ADGRB1: variants seen among roughly 807,000 people sequenced by gnomAD.
ADGRB1 encodes adhesion G protein-coupled receptor B1.
In ADGRB1, 36 loss-of-function variants were observed where a neutral mutation model predicts 175.7. The observed-to-expected ratio is 0.20, with a 90% CI of 0.16 to 0.27. The LOEUF (loss-of-function observed/expected upper bound fraction) is 0.27, where lower values mean the gene tolerates loss of function less well. ADGRB1 is among the 10% of genes least tolerant of loss of function. ADGRB1 has a pLI of 1.00. For missense variants in ADGRB1, 1,731 were observed against 2,255.3 expected (o/e 0.77, Z 4.71); for synonymous variants, 1,054 against 979.4 (o/e 1.08, Z -1.42).
chr8:142,539,475 G>T, intron 27 of ADGRB1, 62 bp downstream of exon 27: 1 of 1,562,448 alleles, frequency 6.4e-7, no homozygotes, highest in Non-Finnish European at 8.7e-7. Context: ...CCCACTCCAC[G>T]CCTCCGCCTG....
rs150215570 is a variant in ADGRB1, at chr8:142,492,357, A to T, written c.2675+1542A>T. On this transcript the variant is annotated intron_variant, in intron 17 of 30. Coordinates refer to ENST00000517894, the MANE Select transcript of ADGRB1 (RefSeq NM_001702.3). The surrounding 1 kb of genome is among the most constrained non-coding windows in gnomAD (Gnocchi z 4.4). ...AGCCTCCTCTCCCCAGTGAGGAGGG[A>T]TGGGGAACAGGGACAGACGGAGCAG... 4.5e-4 allele frequency among the ~76,000 whole-genome samples: 68 copies of T among 152,020 alleles called. No individual in the cohort carries two copies. The highest frequency in any genetic ancestry group is 9.4e-4 in the Non-Finnish European group (64 of 67,978).
At chr8:142,450,834 C>A (rs547387424) in intron 1 of ADGRB1, among the ~76,000 whole-genome samples, 1 of 152,232 alleles carries the variant, frequency 6.6e-6, no homozygotes, top group East Asian at 1.9e-4. Context: ...GCTCTTCCCT[C>A]CTTGTCTACC....
rs1208912507 is a variant in ADGRB1 at position 142,464,114 on chromosome 8, G to C, written c.-85G>C. 21 of 1,089,318 alleles carry C rather than the reference G, an allele frequency of 1.9e-5. No homozygotes were observed. The highest frequency in any genetic ancestry group is 2.3e-5 in the Non-Finnish European group (20 of 880,402). 67.5% of individuals were successfully genotyped at this position (1,089,318 alleles called of 1,614,324 possible). A position where few individuals can be genotyped will look rare whatever the true frequency, so the allele number is the denominator to read the frequency against. The stretch of plus-strand genomic sequence containing the variant: ...TCCCTGCCCCCACCGGGCCGGCCCT[G>C]CCCGCCGCCGGACCCTGGCATGTCA... On this transcript the variant is annotated 5_prime_UTR_variant, in exon 2 of 31. Coordinates refer to ENST00000517894, the MANE Select transcript of ADGRB1 (RefSeq NM_001702.3).
chr8:142,524,127 C>A, intron 22 of ADGRB1, 111 bp from the exon 23 acceptor site: 1 of 1,214,484 alleles, frequency 8.2e-7, no homozygotes, highest in Non-Finnish European at 1.2e-6. Context: ...TTAATAAGTG[C>A]CAGTTTTCTT....
rs1005718915 is a variant in ADGRB1 at position 142,510,458 on chromosome 8, C to A, written c.2676-474C>A. 6.6e-6 allele frequency among the ~76,000 whole-genome samples: 1 copy of A among 151,646 alleles called. No homozygotes were observed. Among genetic ancestry groups the A allele is most frequent in the Non-Finnish European group, 1.5e-5 (1 of 67,836 alleles). On this transcript the variant is annotated intron_variant, in intron 17 of 30. Coordinates refer to ENST00000517894, the MANE Select transcript of ADGRB1 (RefSeq NM_001702.3). This position sits in a 1 kb window ranked among gnomAD's most constrained non-coding sequence, Gnocchi z 6.3. ...GGAGAGCTCCGGAGCGGACCCTCGC[C>A]GCGCTCCGAACCCGCCCCGCGCCCC...
In ADGRB1 at chr8:142,477,614, C is replaced by T. The variant is rs1841053553; in HGVS notation, c.1387+65C>T. ...AGAAAGGGGAGGTCACAGTGGGCCA[C>T]CGGCCAGGCCCAGGAGCCCAGCTTT... On this transcript the variant is annotated intron_variant, in intron 6 of 30. Transcript: ENST00000517894. The T allele has an allele frequency of 4.5e-6, 7 of 1,538,862 alleles. No individual in the cohort carries two copies. The South Asian group carries it at 8.7e-5, about 19-fold the overall frequency.
chr8:142,462,529 C>G (rs1338414876), intron 1 of ADGRB1, among the ~76,000 whole-genome samples: 3 of 152,254 alleles, frequency 2.0e-5, no homozygotes, highest in Non-Finnish European at 2.9e-5. Flanking sequence ...GGGGCCAGAC[C>G]TCGAGGCTGC....
Position 142,481,730 on chromosome 8 carries a change from A to G in ADGRB1, c.2130+19A>G. The G allele has an allele frequency of 6.6e-7, 1 of 1,508,318 alleles. No homozygotes were observed. The highest frequency in any genetic ancestry group is 1.3e-5 in the South Asian group (1 of 75,624). The allele number at this position is 1,508,318 out of a possible 1,614,324, so 93.4% of individuals were successfully genotyped here. A position where few individuals can be genotyped will look rare whatever the true frequency, so the allele number is the denominator to read the frequency against. On this transcript the variant is annotated intron_variant, in intron 11 of 30. Coordinates refer to ENST00000517894, the MANE Select transcript of ADGRB1 (RefSeq NM_001702.3). ...CGTACAGGTGGGCTCCCCGAGCGGC[A>G]TTTTGGAAGAGGGTGTCGGGAAGGT...
Position 142,537,867 on chromosome 8 carries a change from C to T in ADGRB1, c.3666+785C>T, listed in dbSNP as rs1479668891. 1.3e-5 allele frequency among the ~76,000 whole-genome samples: 2 copies of T among 152,154 alleles called. No individual in the cohort carries two copies. Among genetic ancestry groups the T allele is most frequent in the African/African-American group, 4.8e-5 (2 of 41,430 alleles). On this transcript the variant is annotated intron_variant, in intron 26 of 30. Transcript: ENST00000517894. The surrounding 1 kb of genome is among the most constrained non-coding windows in gnomAD (Gnocchi z 4.6). ...GCATCTTCCTCCTGCAGCCTTGTGC[C>T]CCTGGGGCTCAGCCAGGACCGTAGT... is the stretch of plus-strand genomic sequence containing the variant.
At chr8:142,486,837 A>C (rs1841694972) in intron 13 of ADGRB1, among the ~76,000 whole-genome samples, 1 of 151,820 alleles carries the variant, frequency 6.6e-6, no homozygotes, top group African/African-American at 2.4e-5. Flanking sequence ...TGGGCAGCAC[A>C]GTGGGACCCT....
chr8:142,519,516 GTGGTAA>G (rs1396284516), intron 19 of ADGRB1, among the ~76,000 whole-genome samples: 7 of 152,002 alleles, frequency 4.6e-5, no homozygotes, highest in African/African-American at 1.7e-4. Flanking sequence ...GGTGATGATG[GTGGTAA>G]TGGTGATGGT....
chr8:142,522,163 C>G lies in ADGRB1; in HGVS notation c.3175+48C>G, dbSNP rs551449982. ...CTCCTGGACAGATACCCTTCCTCCC[C>G]CACTGCTTGTTCTGTCCTGGCAGCC... On this transcript the variant is annotated intron_variant, in intron 21 of 30. Transcript: ENST00000517894. 9 of 1,585,054 alleles carry G rather than the reference C, an allele frequency of 5.7e-6. No homozygotes were observed. The Admixed American group carries it at 1.5e-4, about 27-fold the overall frequency.
chr8:142,502,408 G>GTGGTGA (rs1842642335), intron 17 of ADGRB1, among the ~76,000 whole-genome samples: 1 of 139,868 alleles, frequency 7.1e-6, no homozygotes, highest in Non-Finnish European at 1.6e-5. Flanking sequence ...GATGGTGGTG[G>GTGGTGA]TGGTGGTGGT....
At chr8:142,476,418 G>C (rs887890012) in intron 3 of ADGRB1, among the ~76,000 whole-genome samples, 167 bp from the exon 4 acceptor site, 9 of 152,172 alleles carry the variant, frequency 5.9e-5, no homozygotes, top group African/African-American at 2.2e-4. Flanking sequence ...AGGGTCCCCT[G>C]GTGACCAGAT....
rs576950325 is a variant in ADGRB1, at chr8:142,465,627, A to G, written c.784+645A>G. Among the ~76,000 whole-genome samples the G allele has an allele frequency of 2.6e-5, 4 of 152,150 alleles. No homozygotes were observed. The South Asian group carries it at 8.3e-4, about 32-fold the overall frequency. On this transcript the variant is annotated intron_variant, in intron 2 of 30. Coordinates refer to ENST00000517894, the MANE Select transcript of ADGRB1 (RefSeq NM_001702.3). ...GAGCCCTGCTCTCAGGCAGCTGCGT[A>G]AGGGAGAGAGGAAGGCCCTAAGCAC...
intron 15 of ADGRB1, 46 bp downstream of exon 15, chr8:142,489,156 G>A (rs1443262630): frequency 1.9e-6 from 3 of 1,565,868 alleles, no homozygotes; most frequent in Non-Finnish European, 2.6e-6. Flanking sequence ...GGGCAGGTGG[G>A]GTGGGCAGGA....
rs908784315 is a variant in ADGRB1 at position 142,510,661 on chromosome 8, G to T, written c.2676-271G>T. On this transcript the variant is annotated intron_variant, in intron 17 of 30. Transcript: ENST00000517894. The surrounding 1 kb of genome is among the most constrained non-coding windows in gnomAD (Gnocchi z 6.3). ...AGCTCTCGCCCCCCGCCCCGCCCCC[G>T]ATCGCTCGGCTCCCCCGCCCGGCGC... 1.4e-5 allele frequency among the ~76,000 whole-genome samples: 2 copies of T among 144,578 alleles called. No individual in the cohort carries two copies. The highest frequency in any genetic ancestry group is 3.1e-5 in the Non-Finnish European group (2 of 65,328). The allele number at this position is 144,578 out of a possible 152,430, so 94.8% of individuals were successfully genotyped here. A position where few individuals can be genotyped will look rare whatever the true frequency, so the allele number is the denominator to read the frequency against.
chr8:142,513,151 C>T lies in ADGRB1; in HGVS notation c.2817+2078C>T, dbSNP rs184035832. ...CCCATCCCAGACAGGACATTTGAGG[C>T]CGGGGCACAGGGGCTGGCAGTGTCT... is the stretch of plus-strand genomic sequence containing the variant. On this transcript the variant is annotated intron_variant, in intron 18 of 30. Coordinates refer to ENST00000517894, the MANE Select transcript of ADGRB1 (RefSeq NM_001702.3). Among the ~76,000 whole-genome samples the T allele has an allele frequency of 2.2e-3, 334 of 152,286 alleles. 3 individuals are homozygous for T. Among genetic ancestry groups the T allele is most frequent in the African/African-American group, 7.6e-3 (314 of 41,562 alleles).
chr8:142,451,682 G>T (rs1839359090), intron 1 of ADGRB1, among the ~76,000 whole-genome samples: 2 of 152,168 alleles, frequency 1.3e-5, no homozygotes, highest in African/African-American at 4.8e-5. Context: ...CGGAGCGAGA[G>T]CCGCCGCGGG....
Sources: gnomAD v4.1 joint callset for allele counts (sites outside exome capture counted in the v4.1 genomes callset) on GRCh38, gnomAD v4.1.1 for gene constraint, Gnocchi (gnomAD v3.1) non-coding constraint, MANE v1.5 for transcripts, NCBI Gene and HGNC (gene_info 2026-07-23, HGNC 2026-07-21) for gene names.